The following NHSL2 variants were observed in gnomAD, a reference collection of about 807,000 sequenced individuals.
NHSL2 encodes NHS like 2, also known as NHS-like protein 2.
NHSL2 carries 27 observed loss-of-function variants against 53.4 expected under a neutral mutation model. The ratio of observed to expected loss-of-function variants is 0.51; its 90% CI spans 0.37 to 0.70. NHSL2 has a LOEUF of 0.70. Ranked by LOEUF, NHSL2 falls within the 30% of genes least tolerant of loss-of-function variation. The pLI, the probability that NHSL2 is intolerant of heterozygous loss-of-function variation, is 0.00. For missense variants in NHSL2, 892 were observed against 980.1 expected (o/e 0.91, Z 1.20); for synonymous variants, 408 against 404.1 (o/e 1.01, Z -0.12).
intron 1 of NHSL2, among the ~76,000 whole-genome samples, chrX:71,993,830 T>C (rs1475043451): frequency 9.0e-6 from 1 of 110,563 alleles, no homozygotes; most frequent in Non-Finnish European, 1.9e-5. Context: ...TGCCTGTCTT[T>C]TTACATTACT....
intron 1 of NHSL2, among the ~76,000 whole-genome samples, chrX:71,942,964 C>CTA (rs2041773850): frequency 3.3e-5 from 1 of 30,042 alleles, no homozygotes; most frequent in South Asian, 2.8e-3. Flanking sequence ...CTCTCTCTCT[C>CTA]TCTCTCTCTG....
At chrX:71,945,284 T>A (rs1602271782) in intron 1 of NHSL2, among the ~76,000 whole-genome samples, 1 of 112,416 alleles carries the variant, frequency 8.9e-6, no homozygotes, top group East Asian at 2.8e-4. Context: ...GTTCCAAATG[T>A]GGAAAGAGAG....
At chrX:71,981,000 T>C (rs1357471721) in intron 1 of NHSL2, among the ~76,000 whole-genome samples, 1 of 111,921 alleles carries the variant, frequency 8.9e-6, no homozygotes, top group Non-Finnish European at 1.9e-5. Flanking sequence ...CCTAACCTTA[T>C]ATCATGTACA....
intron 1 of NHSL2, chrX:72,044,704 T>A (rs2042295631): frequency 6.4e-6 from 7 of 1,096,302 alleles, no homozygotes; most frequent in Non-Finnish European, 8.7e-6. Flanking sequence ...CAGGGACATT[T>A]CTGAAGTGAG....
chrX:72,006,335 G>A (rs995123233), intron 1 of NHSL2, among the ~76,000 whole-genome samples: 2 of 112,162 alleles, frequency 1.8e-5, no homozygotes, highest in South Asian at 3.7e-4. Context: ...TTGGCTCCGC[G>A]TTCCCCTTTC....
chrX:71,946,418 G>A (rs1215077457), intron 1 of NHSL2, among the ~76,000 whole-genome samples: 1 of 111,876 alleles, frequency 8.9e-6, no homozygotes, highest in African/African-American at 3.2e-5. Flanking sequence ...AGCAAGGAAG[G>A]GAGTTGGGAG....
At chrX:72,094,052 G>T (rs1197015941) in intron 1 of NHSL2, among the ~76,000 whole-genome samples, 1 of 111,451 alleles carries the variant, frequency 9.0e-6, no homozygotes, top group Non-Finnish European at 1.9e-5. Flanking sequence ...AAAATGCTGG[G>T]ATTACCGGTG....
At position 72,143,328 on chromosome X, in the gene NHSL2, A is replaced by G; in HGVS notation, c.3432A>G (p.Pro1144=). The change falls in exon 8 of 8, where the codon CCA becomes CCG. Residue 1144 remains proline (P), a synonymous_variant. Transcript: ENST00000633930. The part of the protein sequence containing the change: ...FVGGRTSSHS[P]IKNTAESPIS... ...GTGGCAGAACGAGTTCCCACTCACC[A>G]ATAAAGAACACAGCTGAGTCTCCAA... is the stretch of plus-strand genomic sequence containing the variant. 1 of 1,166,880 alleles carries G rather than the reference A, an allele frequency of 8.6e-7. No individual in the cohort carries two copies. Among genetic ancestry groups the G allele is most frequent in the Non-Finnish European group, 1.1e-6 (1 of 872,158 alleles).
intron 1 of NHSL2, chrX:72,130,174 A>G: frequency 8.3e-7 from 1 of 1,210,742 alleles, no homozygotes; most frequent in Non-Finnish European, 1.1e-6. Context: ...GGCCTCATCC[A>G]GTGGCTCCTC....
chrX:72,047,887 C>A (rs1053229406), intron 1 of NHSL2, among the ~76,000 whole-genome samples: 3 of 110,121 alleles, frequency 2.7e-5, no homozygotes, highest in Admixed American at 9.6e-5. Context: ...CTCCACTAAG[C>A]AGAGGGATGT....
chrX:72,006,286 C>T (rs1312260594), intron 1 of NHSL2, among the ~76,000 whole-genome samples: 1 of 112,284 alleles, frequency 8.9e-6, no homozygotes, highest in Admixed American at 9.4e-5. Context: ...TCACCCACTG[C>T]GATCCAGCTT....
rs997980982 is a variant in NHSL2 at position 72,132,074 on chromosome X, C to T, written c.281-5C>T. The T allele has an allele frequency of 8.6e-7, 1 of 1,165,523 alleles. No individual in the cohort carries two copies. The highest frequency in any genetic ancestry group is 2.6e-5 in the Admixed American group (1 of 38,655). On this transcript the variant is annotated splice_polypyrimidine_tract_variant and splice_region_variant and intron_variant, in intron 1 of 7. Coordinates refer to ENST00000633930, the MANE Select transcript of NHSL2 (RefSeq NM_001013627.3). ...GCGCCTCTCACTGACTCTCTCCTTC[C>T]CTAGCTGCAGCTAACTCGGGTCGGG...
At chrX:71,917,487 G>A (rs1191545656) in intron 1 of NHSL2, among the ~76,000 whole-genome samples, 3 of 109,528 alleles carry the variant, frequency 2.7e-5, no homozygotes, top group Non-Finnish European at 5.7e-5. Context: ...TCTAGCTATC[G>A]CACACTCTTT....
At chrX:71,923,573 T>C (rs1015260089) in intron 1 of NHSL2, among the ~76,000 whole-genome samples, 1 of 112,051 alleles carries the variant, frequency 8.9e-6, no homozygotes, top group African/African-American at 3.2e-5. Context: ...GTCAGTGATA[T>C]ACCCTGTTCT....
At chrX:72,038,712 G>A (rs1315085997) in intron 1 of NHSL2, among the ~76,000 whole-genome samples, 2 of 112,295 alleles carry the variant, frequency 1.8e-5, no homozygotes, top group South Asian at 3.7e-4. Flanking sequence ...TCCAAAAGAA[G>A]ACTGGCCAAG....
chrX:72,133,986 T>C (rs2042331777), intron 2 of NHSL2, 105 bp from the exon 3 acceptor site: 24 of 845,700 alleles, frequency 2.8e-5, no homozygotes, highest in Non-Finnish European at 3.5e-5. Flanking sequence ...AAAATGCAAG[T>C]CAGGCCTGGC....
intron 1 of NHSL2, among the ~76,000 whole-genome samples, chrX:72,046,352 T>C (rs2042305982): frequency 2.7e-5 from 3 of 112,139 alleles, no homozygotes; most frequent in African/African-American, 9.7e-5. Context: ...GTAGAGGCAT[T>C]GACCAGGCCA....
rs141971902 is a variant in NHSL2, at chrX:72,139,821, C to T, written c.2273C>T (p.Thr758Met). ...GAGAGGAAGTCATCACTACCCCCGA[C>T]GTCACCAATGGAGAAATTTCCCAAG... ...VPERKSSLPP[T>M]SPMEKFPKSR... is the part of the protein sequence containing the mutation. The change falls in exon 6 of 8, where the codon ACG becomes ATG. Residue 758 changes from threonine (T) to methionine (M), a missense_variant. Transcript: ENST00000633930. The T allele has an allele frequency of 9.1e-6, 11 of 1,210,330 alleles. No homozygotes were observed. The highest frequency in any genetic ancestry group is 5.3e-5 in the South Asian group (3 of 56,934).
At chrX:71,985,058 C>T (rs754118238) in intron 1 of NHSL2, among the ~76,000 whole-genome samples, 6 of 110,766 alleles carry the variant, frequency 5.4e-5, no homozygotes, top group African/African-American at 1.3e-4. Context: ...CTCCTGACCT[C>T]GTGGTCCGCC....
Sources: gnomAD v4.1 joint callset for allele counts (sites outside exome capture counted in the v4.1 genomes callset) on GRCh38, gnomAD v4.1.1 for gene constraint, MANE v1.5 for transcripts, NCBI Gene and HGNC (gene_info 2026-07-23, HGNC 2026-07-21) for gene names.